GRM7: variants seen among roughly 807,000 people sequenced by gnomAD.
GRM7 encodes metabotropic glutamate receptor 7.
Under a neutral mutation model 84.5 loss-of-function variants are expected in GRM7, and 35 were observed. That is an observed-to-expected ratio of 0.41 (90% CI 0.32 to 0.55). The LOEUF (loss-of-function observed/expected upper bound fraction) is 0.55. Ranked by LOEUF, GRM7 falls within the 20% of genes least tolerant of loss-of-function variation. The pLI, the probability that GRM7 is intolerant of heterozygous loss-of-function variation, is 0.19. For synonymous variants in GRM7, 487 were observed against 455.1 expected (o/e 1.07, Z -0.89); for missense variants, 1,003 against 1,194.6 (o/e 0.84, Z 2.36).
chr3:6,894,132 G>T (rs1007559742), intron 1 of GRM7: 71 of 152,188 alleles, frequency 4.7e-4, no homozygotes, highest in African/African-American at 1.7e-3. Context: ...AAACCTCTTA[G>T]GTTTGGGGAA....
At chr3:7,468,824 A>T (rs1035494239) in intron 7 of GRM7, among the ~76,000 whole-genome samples, 3 of 152,106 alleles carry the variant, frequency 2.0e-5, no homozygotes, top group African/African-American at 7.2e-5. Flanking sequence ...CTGCCACCAT[A>T]CAAAGAAGGT....
chr3:7,427,582 A>C (rs148428763), intron 5 of GRM7, among the ~76,000 whole-genome samples: 1 of 152,324 alleles, frequency 6.6e-6, no homozygotes, highest in African/African-American at 2.4e-5. Flanking sequence ...AATTTTGTCC[A>C]TCTTTTTAAA....
chr3:7,415,378 G>C (rs1409135204), intron 5 of GRM7, among the ~76,000 whole-genome samples: 1 of 152,138 alleles, frequency 6.6e-6, no homozygotes, highest in African/African-American at 2.4e-5. Context: ...AGCAGTAATT[G>C]ACATTTTCAG....
intron 7 of GRM7, among the ~76,000 whole-genome samples, chr3:7,529,528 A>G (rs886240174): frequency 6.6e-5 from 10 of 152,100 alleles, no homozygotes; most frequent in South Asian, 2.1e-4. Flanking sequence ...GGTCAAGATC[A>G]TTAACATTAT....
At chr3:7,133,650 AG>A (rs926488243) in intron 1 of GRM7, among the ~76,000 whole-genome samples, 1 of 152,226 alleles carries the variant, frequency 6.6e-6, no homozygotes, top group African/African-American at 2.4e-5. Context: ...CTGGCTCTTG[AG>A]GCCTGGAAGA....
intron 4 of GRM7, among the ~76,000 whole-genome samples, chr3:7,311,451 C>T (rs1397201778): frequency 6.6e-6 from 1 of 151,012 alleles, no homozygotes; most frequent in Non-Finnish European, 1.5e-5. Flanking sequence ...AACAGATAGA[C>T]TCTCAATGGA....
At chr3:7,161,890 A>G (rs552331180) in intron 2 of GRM7, among the ~76,000 whole-genome samples, 1 of 152,198 alleles carries the variant, frequency 6.6e-6, no homozygotes, top group South Asian at 2.1e-4. Flanking sequence ...TGTTGCTTAC[A>G]TTATATTGGC....
intron 1 of GRM7, among the ~76,000 whole-genome samples, chr3:7,121,632 C>T (rs192347483): frequency 6.6e-6 from 1 of 152,128 alleles, no homozygotes; most frequent in Non-Finnish European, 1.5e-5. Flanking sequence ...GAAAGATTAA[C>T]TCATTCTCAA....
At chr3:6,917,406 G>A (rs1696976849) in intron 1 of GRM7, among the ~76,000 whole-genome samples, 1 of 151,324 alleles carries the variant, frequency 6.6e-6, no homozygotes, top group Non-Finnish European at 1.5e-5. Flanking sequence ...GTTGGAAGAG[G>A]CAAAAATGAT....
chr3:6,931,230 C>T (rs1451237829), intron 1 of GRM7, among the ~76,000 whole-genome samples: 1 of 151,966 alleles, frequency 6.6e-6, no homozygotes, highest in Non-Finnish European at 1.5e-5. Context: ...TGCCCAGAAA[C>T]ACTCATAAGA....
chr3:7,738,388 C>T (rs1400330345), intron 9 of GRM7, among the ~76,000 whole-genome samples: 1 of 152,116 alleles, frequency 6.6e-6, no homozygotes, highest in Non-Finnish European at 1.5e-5. Context: ...ATAAACAGTG[C>T]TCATCTCAAG....
At chr3:7,413,198 T>C (rs1696016837) in intron 4 of GRM7, among the ~76,000 whole-genome samples, 1 of 152,116 alleles carries the variant, frequency 6.6e-6, no homozygotes, top group Non-Finnish European at 1.5e-5. Context: ...GAGGGAAAAC[T>C]TTAAACCATT....
chr3:7,255,816 C>T (rs971195663), intron 2 of GRM7, among the ~76,000 whole-genome samples: 7 of 152,180 alleles, frequency 4.6e-5, no homozygotes, highest in Admixed American at 3.9e-4. Context: ...ACATGTCATA[C>T]TCAACTGGAT....
At chr3:7,526,176 C>A (rs1700799796) in intron 7 of GRM7, among the ~76,000 whole-genome samples, 1 of 152,110 alleles carries the variant, frequency 6.6e-6, no homozygotes, top group South Asian at 2.1e-4. Context: ...TAAGTGTTCC[C>A]TTTTCTCTGC....
In GRM7 at chr3:7,063,254, G is replaced by A. The variant is rs533194551; in HGVS notation, c.520-83198G>A. 1.5e-4 allele frequency among the ~76,000 whole-genome samples: 23 copies of A among 151,750 alleles called. No homozygotes were observed. The East Asian group carries it at 4.3e-3, about 28-fold the overall frequency. ...CCAAAGACAATCAAGACACAAGTAA[G>A]GCTTGGTATACAAGGCTTCAGTGAA... On this transcript the variant is annotated intron_variant, in intron 1 of 9. Coordinates refer to ENST00000357716, the MANE Select transcript of GRM7 (RefSeq NM_000844.4).
chr3:7,113,208 G>A (rs1308268790), intron 1 of GRM7, among the ~76,000 whole-genome samples: 6 of 152,080 alleles, frequency 3.9e-5, no homozygotes, highest in East Asian at 1.9e-4. Context: ...AAATATGTAC[G>A]AAACAATTCT....
intron 1 of GRM7, among the ~76,000 whole-genome samples, chr3:6,940,405 T>G (rs1467385389): frequency 6.6e-6 from 1 of 152,150 alleles, no homozygotes; most frequent in Non-Finnish European, 1.5e-5. Context: ...TTAATTTAAG[T>G]GAGAAATTTG....
chr3:7,348,308 A>G (rs1692981735), intron 4 of GRM7, among the ~76,000 whole-genome samples: 2 of 152,040 alleles, frequency 1.3e-5, no homozygotes, highest in African/African-American at 4.8e-5. Context: ...CCTTATTGGC[A>G]TGCCCCAACA....
intron 4 of GRM7, among the ~76,000 whole-genome samples, chr3:7,362,556 G>A (rs917789690): frequency 6.6e-6 from 1 of 151,834 alleles, no homozygotes; most frequent in Non-Finnish European, 1.5e-5. Flanking sequence ...TGCCTTTCAC[G>A]TGTTAGCTTA....
Sources: allele counts gnomAD v4.1 joint callset (sites outside exome capture counted in the v4.1 genomes callset), GRCh38; gene constraint gnomAD v4.1.1; transcripts MANE v1.5; gene names NCBI Gene and HGNC (gene_info 2026-07-23, HGNC 2026-07-21).